The following NEBL variants were observed in gnomAD, a reference collection of about 807,000 sequenced individuals.
NEBL encodes nebulette.
Under a neutral mutation model 140.2 loss-of-function variants are expected in NEBL, and 122 were observed. That is an observed-to-expected ratio of 0.87 (90% CI 0.75 to 1.01). The LOEUF is 1.01. Ranked by LOEUF, NEBL falls within the 50% of genes least tolerant of loss-of-function variation. NEBL has a pLI of 0.00. For synonymous variants in NEBL, 436 were observed against 398.9 expected (o/e 1.09, Z -1.11); for missense variants, 1,365 against 1,231.3 (o/e 1.11, Z -1.62).
intron 2 of NEBL, among the ~76,000 whole-genome samples, chr10:21,147,305 T>A (rs1273461021): frequency 6.6e-6 from 1 of 152,096 alleles, no homozygotes; most frequent in African/African-American, 2.4e-5. Flanking sequence ...TTCGCCCAGT[T>A]TCTCAGAAGA....
intron 3 of NEBL, among the ~76,000 whole-genome samples, chr10:21,222,629 A>G (rs1842086931): frequency 6.6e-6 from 1 of 152,212 alleles, no homozygotes; most frequent in Non-Finnish European, 1.5e-5. Flanking sequence ...GTAGGTGTAT[A>G]TATGTATGGG....
At chr10:21,126,693 GC>G (rs1410116622) in intron 2 of NEBL, among the ~76,000 whole-genome samples, 1 of 152,108 alleles carries the variant, frequency 6.6e-6, no homozygotes, top group African/African-American at 2.4e-5. Context: ...CCTCCACTGG[GC>G]CAGGTGCGGT....
At chr10:21,074,894 C>T (rs1412356814) in intron 2 of NEBL, among the ~76,000 whole-genome samples, 1 of 152,064 alleles carries the variant, frequency 6.6e-6, no homozygotes, top group East Asian at 1.9e-4. Context: ...GCTTTGAACT[C>T]CTGAGCTCAA....
At chr10:20,971,492 T>A (rs1022884369) in intron 3 of NEBL, among the ~76,000 whole-genome samples, 1 of 151,728 alleles carries the variant, frequency 6.6e-6, no homozygotes. Flanking sequence ...CATGTGCACA[T>A]TGTGCAGGTT....
chr10:21,102,874 G>A (rs1837537922), intron 2 of NEBL, among the ~76,000 whole-genome samples: 3 of 151,992 alleles, frequency 2.0e-5, no homozygotes, highest in Admixed American at 6.6e-5. Flanking sequence ...GGATGTGCAG[G>A]TTTGTTACAT....
rs1354254380 is a variant in NEBL at position 20,779,999 on chromosome 10, C to G, written c.*5748G>C. 3.9e-5 allele frequency: 6 copies of G among 152,086 alleles called. No homozygotes were observed. The highest frequency in any genetic ancestry group is 3.3e-4 in the Admixed American group (5 of 15,254). The allele number at this position is 152,086 out of a possible 1,614,324, so 9.4% of individuals were successfully genotyped here. A position where few individuals can be genotyped will look rare whatever the true frequency, so the allele number is the denominator to read the frequency against. ...TTGGAAGAAGTGTTTATTCTACGAG[C>G]AGATGTCATCCGCAAAGTTTATCAA... On this transcript the variant is annotated 3_prime_UTR_variant, in exon 28 of 28. Coordinates refer to ENST00000377122, the MANE Select transcript of NEBL (RefSeq NM_006393.3).
At chr10:21,031,050 G>A (rs1349019835) in intron 2 of NEBL, among the ~76,000 whole-genome samples, 1 of 152,240 alleles carries the variant, frequency 6.6e-6, no homozygotes, top group East Asian at 1.9e-4. Flanking sequence ...GAACAGAGTA[G>A]TAGAAAGAAT....
intron 2 of NEBL, among the ~76,000 whole-genome samples, chr10:21,067,643 G>C (rs1357742477): frequency 6.6e-6 from 1 of 152,054 alleles, no homozygotes; most frequent in Non-Finnish European, 1.5e-5. Context: ...AAGGGAGAAG[G>C]GGGGACCTCT....
chr10:21,214,311 G>A (rs1841957095), intron 3 of NEBL, among the ~76,000 whole-genome samples: 1 of 151,994 alleles, frequency 6.6e-6, no homozygotes, highest in Non-Finnish European at 1.5e-5. Flanking sequence ...AGCATTCTTT[G>A]TACTTTCTGA....
intron 2 of NEBL, among the ~76,000 whole-genome samples, chr10:21,137,333 C>T (rs1034840111): frequency 1.3e-5 from 2 of 152,254 alleles, no homozygotes; most frequent in South Asian, 2.1e-4. Context: ...CAAACAACTG[C>T]GGTATTCAGT....
At chr10:21,093,165 T>TTTTTTTTTTTTTTC (rs1554824236) in intron 2 of NEBL, among the ~76,000 whole-genome samples, 1 of 148,020 alleles carries the variant, frequency 6.8e-6, no homozygotes, top group African/African-American at 2.5e-5. Context: ...TTTTTTTTTT[T>TTTTTTTTTTTTTTC]CCATTTTAGC....
At chr10:20,875,745 C>T (rs1430127515) in intron 5 of NEBL, among the ~76,000 whole-genome samples, 3 of 152,142 alleles carry the variant, frequency 2.0e-5, no homozygotes, top group African/African-American at 7.2e-5. Flanking sequence ...AGCCAGCCAG[C>T]CAGCCATGGG....
At chr10:21,138,529 C>A (rs146211712) in intron 2 of NEBL, among the ~76,000 whole-genome samples, 1 of 152,000 alleles carries the variant, frequency 6.6e-6, no homozygotes, top group Admixed American at 6.6e-5. Context: ...AAAATGTCAT[C>A]GGGAGAGGTG....
At chr10:20,901,611 C>G (rs910458654), upstream of NEBL, among the ~76,000 whole-genome samples, 1 of 151,500 alleles carries the variant, frequency 6.6e-6, no homozygotes, top group African/African-American at 2.4e-5. Context: ...AACTGCTTTT[C>G]TTTTAACTTT....
intron 3 of NEBL, among the ~76,000 whole-genome samples, chr10:21,016,371 A>G (rs1838555681): frequency 1.3e-5 from 2 of 152,352 alleles, no homozygotes; most frequent in South Asian, 4.1e-4. Context: ...TATAGATTCC[A>G]AAAAAGCTTG....
intron 3 of NEBL, among the ~76,000 whole-genome samples, chr10:20,991,224 T>C (rs1837442084): frequency 6.6e-6 from 1 of 152,096 alleles, no homozygotes; most frequent in Admixed American, 6.5e-5. Flanking sequence ...AGAATGTATA[T>C]AGGAGATTTT....
intron 4 of NEBL, among the ~76,000 whole-genome samples, chr10:20,941,434 C>T (rs1447729574): frequency 6.6e-6 from 1 of 152,158 alleles, no homozygotes; most frequent in East Asian, 1.9e-4. Context: ...GGACATATCT[C>T]AAAATAATAA....
chr10:21,277,958 T>C (rs1356108012), intron 1 of NEBL, among the ~76,000 whole-genome samples: 2 of 152,222 alleles, frequency 1.3e-5, no homozygotes, highest in Non-Finnish European at 2.9e-5. Context: ...CATTGAGCTG[T>C]TGTCTATATT....
At chr10:20,929,162 A>G (rs1025846571) in intron 4 of NEBL, among the ~76,000 whole-genome samples, 2 of 152,144 alleles carry the variant, frequency 1.3e-5, no homozygotes, top group African/African-American at 4.8e-5. Context: ...TATCTGCACT[A>G]GTATGCTTAT....
Sources: allele counts gnomAD v4.1 joint callset (sites outside exome capture counted in the v4.1 genomes callset), GRCh38; gene constraint gnomAD v4.1.1; transcripts MANE v1.5; gene names NCBI Gene and HGNC (gene_info 2026-07-23, HGNC 2026-07-21).